CD1B: variants seen among roughly 807,000 people sequenced by gnomAD.
CD1B encodes T-cell surface glycoprotein CD1b.
Under a neutral mutation model 39.8 loss-of-function variants are expected in CD1B, and 43 were observed. That is an observed-to-expected ratio of 1.08 (90% CI 0.85 to 1.39). The LOEUF (loss-of-function observed/expected upper bound fraction) is 1.39, where lower values mean the gene tolerates loss of function less well. Among genes scored for constraint, CD1B ranks in the 40% most tolerant of loss-of-function variants. CD1B has a pLI of 0.00. For missense variants in CD1B, 495 were observed against 403.8 expected, an observed-to-expected ratio of 1.23 and a Z score of -1.94; for synonymous variants, 192 against 152.5, an observed-to-expected ratio of 1.26 and a Z score of -1.91.
Position 158,331,055 on chromosome 1 carries a change from C to T in CD1B, c.69G>A (p.Gln23=). 1.2e-6 allele frequency: 2 copies of T among 1,610,056 alleles called. No individual in the cohort carries two copies. Among genetic ancestry groups the T allele is most frequent in the Non-Finnish European group, 1.7e-6 (2 of 1,178,500 alleles). The change falls in exon 2 of 6, where the codon CAG becomes CAA. Residue 23 remains glutamine, a synonymous_variant. Coordinates refer to ENST00000368168, the MANE Select transcript of CD1B (RefSeq NM_001764.3). ...GGATAACATGAAAGGAGGTCGGCCCCTGGAAGGCTGTGAAGAGTGGAAAAG... is the reference window on the plus strand; with the variant it reads ...GGATAACATGAAAGGAGGTCGGCCCTTGGAAGGCTGTGAAGAGTGGAAAAG... The part of the protein sequence containing the change: ...FPGGNSEHAF[Q]GPTSFHVIQT...
chr1:158,295,623 T>C, the CD1B span, among the ~76,000 whole-genome samples: 10 of 152,232 alleles, frequency 6.6e-5, no homozygotes, highest in Non-Finnish European at 1.0e-4. Flanking sequence ...TTGTTGACTA[T>C]CAGACCTGGA....
At chr1:158,312,722 A>G in the CD1B span, among the ~76,000 whole-genome samples, 34 of 152,288 alleles carry the variant, frequency 2.2e-4, no homozygotes, top group South Asian at 6.8e-3. Flanking sequence ...AATTTTACTG[A>G]ATTTATTAGT....
At chr1:158,317,006 G>C in the CD1B span, among the ~76,000 whole-genome samples, 2 of 151,556 alleles carry the variant, frequency 1.3e-5, no homozygotes, top group African/African-American at 4.9e-5. Context: ...CAGGGATGAA[G>C]CCCACTTGAT....
the CD1B span, among the ~76,000 whole-genome samples, chr1:158,317,389 G>T: frequency 1.3e-5 from 2 of 152,132 alleles, no homozygotes; most frequent in Non-Finnish European, 2.9e-5. Flanking sequence ...GTTTAGTCTT[G>T]GGAGAGTGTA....
intron 5 of CD1B, 52 bp from the exon 6 acceptor site, chr1:158,328,309 C>A (rs1277261317): frequency 2.1e-6 from 3 of 1,428,274 alleles, no homozygotes; most frequent in Admixed American, 3.5e-5. Context: ...GTTTGTACAC[C>A]CATGCTCATA....
chr1:158,295,422 C>T, the CD1B span, among the ~76,000 whole-genome samples: 1 of 151,698 alleles, frequency 6.6e-6, no homozygotes, highest in Admixed American at 6.6e-5. Context: ...GGAATCCTAG[C>T]TGCAGGAGAC....
the CD1B span, among the ~76,000 whole-genome samples, chr1:158,320,532 G>A: frequency 7.0e-4 from 107 of 152,126 alleles, no homozygotes; most frequent in East Asian, 4.1e-3. Context: ...CACGGTGTGC[G>A]CACCCACTGA....
the CD1B span, among the ~76,000 whole-genome samples, chr1:158,316,642 C>A: frequency 1.3e-4 from 20 of 150,750 alleles, no homozygotes; most frequent in Middle Eastern, 6.9e-3. Context: ...AATTGAATAC[C>A]CTTTATTTCC....
At chr1:158,293,136 G>A in the CD1B span, 2 of 1,185,862 alleles carry the variant, frequency 1.7e-6, no homozygotes, top group Non-Finnish European at 2.5e-6. Context: ...CATATGTTAA[G>A]TAAGGAAATC....
the CD1B span, among the ~76,000 whole-genome samples, chr1:158,304,151 A>G: frequency 1.3e-5 from 2 of 152,172 alleles, no homozygotes; most frequent in Non-Finnish European, 2.9e-5. Flanking sequence ...GCATCGCCTC[A>G]CCTGGGAAGC....
At chr1:158,310,345 A>G in the CD1B span, among the ~76,000 whole-genome samples, 23 of 152,344 alleles carry the variant, frequency 1.5e-4, no homozygotes, top group Middle Eastern at 3.4e-3. Context: ...CTTAAATGTA[A>G]AACCTAAAAC....
At chr1:158,324,177 C>G (rs972016000), downstream of CD1B, among the ~76,000 whole-genome samples, 2 of 152,154 alleles carry the variant, frequency 1.3e-5, no homozygotes, top group African/African-American at 4.8e-5. Flanking sequence ...GTTCAAGACT[C>G]AAGACAAAAT....
At chr1:158,291,422 A>G in the CD1B span, 1 of 1,609,146 alleles carries the variant, frequency 6.2e-7, no homozygotes, top group South Asian at 1.1e-5. Flanking sequence ...CATCTAAATT[A>G]TGGGAGTTCT....
At chr1:158,320,874 A>G in the CD1B span, among the ~76,000 whole-genome samples, 2 of 152,054 alleles carry the variant, frequency 1.3e-5, no homozygotes, top group Non-Finnish European at 2.9e-5. Flanking sequence ...TGAAAAAAAC[A>G]TTTTTTGATT....
the CD1B span, among the ~76,000 whole-genome samples, chr1:158,309,106 A>G: frequency 6.6e-6 from 1 of 152,250 alleles, no homozygotes; most frequent in East Asian, 1.9e-4. Flanking sequence ...AATATCCAGA[A>G]TCTACTATGA....
Position 158,328,249 on chromosome 1 carries a change from T to C in CD1B, c.989A>G (p.Gln330Arg), listed in dbSNP as rs145881318. ...ALWYMRRRSY[Q>R]NIP Reference sequence around the variant, plus strand: ...CATGATGATGGCTCATGGGATATTCTGATATGACCTGTTAAAAACAGAAGA... The same window carrying C: ...CATGATGATGGCTCATGGGATATTCCGATATGACCTGTTAAAAACAGAAGA... Residue 330 changes from glutamine (Q) to arginine (R), a missense_variant, in exon 6 of 6, where the codon CAG becomes CGG. Physicochemically the swap from Gln to Arg is conservative, Grantham distance 43. Transcript: ENST00000368168. 15 of 1,611,800 alleles carry C rather than the reference T, an allele frequency of 9.3e-6. No homozygotes were observed. Among genetic ancestry groups the C allele is most frequent in the South Asian group, 8.8e-5 (8 of 90,938 alleles).
the CD1B span, among the ~76,000 whole-genome samples, chr1:158,287,523 AC>A: frequency 5.9e-5 from 9 of 152,038 alleles, no homozygotes; most frequent in Non-Finnish European, 1.0e-4. Flanking sequence ...GGGTACACAA[AC>A]TTTCAGTCCA....
the CD1B span, chr1:158,293,163 T>G: frequency 7.4e-7 from 1 of 1,358,826 alleles, no homozygotes; most frequent in Non-Finnish European, 1.0e-6. Flanking sequence ...TGGAATAGAA[T>G]CAGCAGTGAG....
the CD1B span, among the ~76,000 whole-genome samples, chr1:158,297,217 C>A: frequency 6.6e-6 from 1 of 152,072 alleles, no homozygotes; most frequent in Non-Finnish European, 1.5e-5. Context: ...GAGCAGGTCA[C>A]CTACAAAGGG....
Sources: gnomAD v4.1 joint callset for allele counts (sites outside exome capture counted in the v4.1 genomes callset) on GRCh38, gnomAD v4.1.1 for gene constraint, MANE v1.5 for transcripts, NCBI Gene and HGNC (gene_info 2026-07-23, HGNC 2026-07-21) for gene names.